Variants in ASPH observed in about 807,000 individuals in gnomAD.
The protein encoded by ASPH is aspartyl/asparaginyl beta-hydroxylase.
A neutral mutation model predicts 118.4 loss-of-function variants in ASPH; 100 were observed. The observed-to-expected ratio is 0.84, with a 90% CI of 0.72 to 1.00. ASPH has a LOEUF of 1.00. Ranked by LOEUF, ASPH falls within the 50% of genes least tolerant of loss-of-function variation. The pLI, the probability that ASPH is intolerant of heterozygous loss-of-function variation, is 0.00. For synonymous variants in ASPH, 315 were observed against 325.6 expected (o/e 0.97, Z 0.35); for missense variants, 920 against 919.5 (o/e 1.00, Z -0.01).
chr8:61,661,688 G>C, intron 3 of ASPH: 1 of 317,042 alleles, frequency 3.2e-6, no homozygotes, highest in Non-Finnish European at 5.8e-6. Context: ...TTTTTCAATG[G>C]AAGTGTCTAT....
In ASPH at chr8:61,578,843, A is replaced by G. The variant is rs1238713834; in HGVS notation, c.1063-1985T>C. 82 of 1,612,348 alleles carry G rather than the reference A, an allele frequency of 5.1e-5. No individual in the cohort carries two copies. The East Asian group carries it at 1.7e-3, about 34-fold the overall frequency. ...TGGATGAAGCTTACATGAACAAGGT[A>G]GAGCTGGAGTCTCGCCTGGAAGGGC... On this transcript the variant is annotated intron_variant, in intron 15 of 24. Coordinates refer to ENST00000379454, the MANE Select transcript of ASPH (RefSeq NM_004318.4).
At position 61,555,986 on chromosome 8, in the gene ASPH, C is replaced by CT; in HGVS notation, c.1473dup (p.Val492SerfsTer15). ...GCCTTCAGGATGAAGCCATAATGGA[C>CT]TTTAGCAAAGCCATCATTAGGTGTC... On this transcript the variant is annotated frameshift_variant, in exon 19 of 25. Transcript: ENST00000379454. LOFTEE classifies it high-confidence loss of function. 6.2e-7 allele frequency: 1 copy of CT among 1,614,048 alleles called. No individual in the cohort carries two copies. Among genetic ancestry groups the CT allele is most frequent in the Non-Finnish European group, 8.5e-7 (1 of 1,179,978 alleles).
In ASPH at chr8:61,644,783, T is replaced by C. The variant is rs947691300; in HGVS notation, c.620-151A>G. Reference sequence around the variant, plus strand: ...CAATTAAAAGTCTGCTTAACACTTTTATATTTCACTAGAAGTACACTGTGG... The same window carrying C: ...CAATTAAAAGTCTGCTTAACACTTTCATATTTCACTAGAAGTACACTGTGG... On this transcript the variant is annotated intron_variant, in intron 6 of 24. Coordinates refer to ENST00000379454, the MANE Select transcript of ASPH (RefSeq NM_004318.4). The C allele has an allele frequency of 2.0e-5, 10 of 490,202 alleles. No individual in the cohort carries two copies. In the Admixed American group the frequency reaches 3.0e-4, roughly 15 times the overall value. 30.4% of individuals were successfully genotyped at this position (490,202 alleles called of 1,614,324 possible).
intron 3 of ASPH, chr8:61,664,794 C>A: frequency 1.0e-6 from 1 of 986,970 alleles, no homozygotes; most frequent in Non-Finnish European, 1.2e-6. Flanking sequence ...GGGGAGGTGT[C>A]CACGAAAGAG....
chr8:61,670,969 A>G (rs1350792952), intron 3 of ASPH, among the ~76,000 whole-genome samples: 1 of 152,136 alleles, frequency 6.6e-6, no homozygotes, highest in Non-Finnish European at 1.5e-5. Flanking sequence ...ACTGCTAACA[A>G]GGGAAACTGT....
intron 21 of ASPH, among the ~76,000 whole-genome samples, chr8:61,544,195 C>T (rs1166664069): frequency 6.6e-6 from 1 of 152,176 alleles, no homozygotes; most frequent in Non-Finnish European, 1.5e-5. Flanking sequence ...AAAATTACCA[C>T]CCCACAAACC....
intron 15 of ASPH, among the ~76,000 whole-genome samples, chr8:61,580,354 A>G (rs974242525): frequency 4.6e-5 from 7 of 152,196 alleles, no homozygotes; most frequent in Non-Finnish European, 2.9e-5. Context: ...CCACCCGTAC[A>G]GCAAACTTTT....
At chr8:61,682,409 T>C (rs1267075094) in intron 2 of ASPH, 1 of 1,602,532 alleles carries the variant, frequency 6.2e-7, no homozygotes, top group South Asian at 1.1e-5. Flanking sequence ...GTAACACACG[T>C]AGACTTGAAA....
At chr8:61,542,989 T>C (rs1343468036) in intron 21 of ASPH, among the ~76,000 whole-genome samples, 1 of 152,220 alleles carries the variant, frequency 6.6e-6, no homozygotes, top group Non-Finnish European at 1.5e-5. Context: ...TCTTTCTCTG[T>C]GTGCTTTCAA....
At chr8:61,586,452 C>T (rs1334156450) in intron 14 of ASPH, among the ~76,000 whole-genome samples, 1 of 152,122 alleles carries the variant, frequency 6.6e-6, no homozygotes, top group African/African-American at 2.4e-5. Context: ...CCCAATTGTC[C>T]AAATCAGAAA....
intron 1 of ASPH, among the ~76,000 whole-genome samples, chr8:61,699,140 G>T (rs1199255419): frequency 6.6e-6 from 1 of 152,244 alleles, no homozygotes; most frequent in African/African-American, 2.4e-5. Flanking sequence ...AGTGAGGGCA[G>T]TCTTGTGAGA....
intron 20 of ASPH, among the ~76,000 whole-genome samples, chr8:61,549,282 C>G (rs1825012973): frequency 6.6e-6 from 1 of 152,114 alleles, no homozygotes; most frequent in South Asian, 2.1e-4. Flanking sequence ...TTCAGTAACA[C>G]TTTACATTGA....
At chr8:61,504,166 C>T (rs555980024) in intron 24 of ASPH, among the ~76,000 whole-genome samples, 265 of 152,168 alleles carry the variant, frequency 1.7e-3, no homozygotes, top group Non-Finnish European at 2.7e-3. Flanking sequence ...ATAGGGACTG[C>T]GATCTAAATA....
chr8:61,644,474 T>G, intron 7 of ASPH, 126 bp downstream of exon 7: 2 of 663,540 alleles, frequency 3.0e-6, no homozygotes, highest in Non-Finnish European at 2.2e-6. Context: ...GTAATAAAAT[T>G]ATTAATTGCA....
intron 15 of ASPH, among the ~76,000 whole-genome samples, chr8:61,581,175 G>A (rs1342700151): frequency 1.3e-5 from 2 of 152,162 alleles, no homozygotes; most frequent in South Asian, 2.1e-4. Context: ...CTTTCCTGAG[G>A]GGCCATCAGC....
At chr8:61,642,787 G>A (rs1460796816) in intron 10 of ASPH, 101 bp downstream of exon 10, 5 of 1,065,836 alleles carry the variant, frequency 4.7e-6, no homozygotes, top group Non-Finnish European at 6.5e-6. Flanking sequence ...GGAGGTTGTA[G>A]TGGGCCAAGA....
At chr8:61,615,068 GAGGTAATAC>G (rs1848596356) in intron 14 of ASPH, among the ~76,000 whole-genome samples, 1 of 152,204 alleles carries the variant, frequency 6.6e-6, no homozygotes, top group African/African-American at 2.4e-5. Flanking sequence ...CATCTCACTG[GAGGTAATAC>G]ACAAGTTCTT....
intron 24 of ASPH, among the ~76,000 whole-genome samples, chr8:61,504,110 C>T (rs997888669): frequency 2.0e-5 from 3 of 152,066 alleles, no homozygotes; most frequent in African/African-American, 4.8e-5. Context: ...ATCAATGCTG[C>T]AAAACACCCT....
chr8:61,510,791 C>T lies in ASPH; in HGVS notation c.2126+6737G>A, dbSNP rs151296725. On this transcript the variant is annotated intron_variant, in intron 24 of 24. Coordinates refer to ENST00000379454, the MANE Select transcript of ASPH (RefSeq NM_004318.4). Reference sequence around the variant, plus strand: ...CAACAACAAACCTTCAGGAAAACATCCTATCTGGTTAAAAACTGTCCTTTT... The same window carrying T: ...CAACAACAAACCTTCAGGAAAACATTCTATCTGGTTAAAAACTGTCCTTTT... Among the ~76,000 whole-genome samples the T allele has an allele frequency of 1.5e-3, 221 of 152,290 alleles. 2 individuals are homozygous for T. In the Middle Eastern group the frequency reaches 0.041, roughly 28 times the overall value.
Sources: allele counts gnomAD v4.1 joint callset (sites outside exome capture counted in the v4.1 genomes callset), GRCh38; gene constraint gnomAD v4.1.1; transcripts MANE v1.5; gene names NCBI Gene and HGNC (gene_info 2026-07-23, HGNC 2026-07-21).